Variants in CTNND2 observed in about 807,000 individuals in gnomAD.
The protein encoded by CTNND2 is catenin delta-2.
CTNND2 carries 22 observed loss-of-function variants against 144.4 expected under a neutral mutation model. The ratio of observed to expected loss-of-function variants is 0.15; its 90% CI spans 0.11 to 0.22. The LOEUF (loss-of-function observed/expected upper bound fraction) is 0.22. CTNND2 is among the 10% of genes least tolerant of loss of function. The pLI is 1.00. For missense variants in CTNND2, 1,353 were observed against 1,618.8 expected (o/e 0.84, Z 2.82); for synonymous variants, 751 against 695.6 (o/e 1.08, Z -1.25).
Position 11,758,346 on chromosome 5 carries a change from T to C in CTNND2, c.38-26074A>G, listed in dbSNP as rs912773682. Among the ~76,000 whole-genome samples the C allele has an allele frequency of 3.9e-5, 6 of 152,102 alleles. No individual in the cohort carries two copies. In the South Asian group the frequency reaches 6.2e-4, roughly 16 times the overall value. On this transcript the variant is annotated intron_variant, in intron 1 of 21. Coordinates refer to ENST00000304623, the MANE Select transcript of CTNND2 (RefSeq NM_001332.4). ...CACATTTATAACCATAAATTTTTGTTTGATTAAAAAAAATTTCACTTCTAC... is the reference window on the plus strand; with the variant it reads ...CACATTTATAACCATAAATTTTTGTCTGATTAAAAAAAATTTCACTTCTAC...
intron 12 of CTNND2, among the ~76,000 whole-genome samples, chr5:11,144,890 A>T (rs1199097217): frequency 6.6e-6 from 1 of 152,080 alleles, no homozygotes; most frequent in Non-Finnish European, 1.5e-5. Flanking sequence ...GTCTCCCCTT[A>T]TCGTTCCCAA....
chr5:11,434,687 C>T (rs941765283), intron 3 of CTNND2, among the ~76,000 whole-genome samples: 1 of 152,134 alleles, frequency 6.6e-6, no homozygotes, highest in African/African-American at 2.4e-5. Context: ...TATTAAACTG[C>T]TAATGGTAGA....
chr5:11,643,332 C>A (rs1418628173), intron 2 of CTNND2, among the ~76,000 whole-genome samples: 1 of 149,234 alleles, frequency 6.7e-6, no homozygotes, highest in African/African-American at 2.5e-5. Flanking sequence ...TGTGCTGCAC[C>A]CATTAACTCG....
chr5:11,842,713 G>A (rs116657828), intron 1 of CTNND2, among the ~76,000 whole-genome samples: 24,129 of 138,108 alleles, frequency 0.17, 2,327 homozygotes, highest in Non-Finnish European at 0.22. Context: ...AGACAGACTC[G>A]GTCTCAGAAC....
chr5:11,085,308 T>G (rs1360468269), intron 15 of CTNND2, among the ~76,000 whole-genome samples: 1 of 152,200 alleles, frequency 6.6e-6, no homozygotes, highest in African/African-American at 2.4e-5. Flanking sequence ...TTTGATATTT[T>G]TATTATTGAG....
At chr5:11,509,328 A>T (rs26167) in intron 3 of CTNND2, among the ~76,000 whole-genome samples, 80,004 of 151,976 alleles carry the variant, frequency 0.53, 21,486 homozygotes, top group Middle Eastern at 0.6. Context: ...AGATAGAAGA[A>T]GCTGGAAATT....
chr5:11,800,540 C>T (rs528984031), intron 1 of CTNND2, among the ~76,000 whole-genome samples: 2 of 152,076 alleles, frequency 1.3e-5, no homozygotes, highest in Non-Finnish European at 2.9e-5. Context: ...TAGGTCAGAC[C>T]TTTACTGTGA....
At chr5:11,675,556 T>A (rs2126612386) in intron 2 of CTNND2, among the ~76,000 whole-genome samples, 1 of 152,296 alleles carries the variant, frequency 6.6e-6, no homozygotes, top group Admixed American at 6.5e-5. Context: ...TAACTCTTTT[T>A]AAATTTTTGC....
chr5:11,427,275 C>CA (rs1762862237), intron 3 of CTNND2, among the ~76,000 whole-genome samples: 1 of 120,876 alleles, frequency 8.3e-6, no homozygotes. Flanking sequence ...TTCCCATATG[C>CA]TTTTTTTTTT....
intron 3 of CTNND2, among the ~76,000 whole-genome samples, chr5:11,529,465 G>A (rs1377603882): frequency 6.6e-6 from 1 of 152,168 alleles, no homozygotes; most frequent in African/African-American, 2.4e-5. Flanking sequence ...TACATAATTT[G>A]AGCCATCTTT....
At chr5:11,896,288 G>A (rs1423722769) in intron 1 of CTNND2, among the ~76,000 whole-genome samples, 4 of 152,094 alleles carry the variant, frequency 2.6e-5, no homozygotes, top group East Asian at 3.8e-4. Flanking sequence ...AACAGAATAT[G>A]AGCAATGTTT....
At chr5:11,658,077 A>G (rs1342034749) in intron 2 of CTNND2, among the ~76,000 whole-genome samples, 1 of 152,138 alleles carries the variant, frequency 6.6e-6, no homozygotes, top group East Asian at 1.9e-4. Context: ...ATTAATTGCT[A>G]TATTCATATT....
At chr5:11,601,663 T>C (rs190911452) in intron 2 of CTNND2, among the ~76,000 whole-genome samples, 4 of 152,286 alleles carry the variant, frequency 2.6e-5, no homozygotes, top group Admixed American at 6.5e-5. Flanking sequence ...TGCTGCCTTA[T>C]AGTTTATAAA....
intron 1 of CTNND2, among the ~76,000 whole-genome samples, chr5:11,750,505 G>A (rs1788551143): frequency 6.6e-6 from 1 of 151,854 alleles, no homozygotes. Context: ...ACACTGTCCA[G>A]AGTGCATGAC....
intron 1 of CTNND2, among the ~76,000 whole-genome samples, chr5:11,833,323 A>G (rs1261038717): frequency 6.6e-6 from 1 of 152,168 alleles, no homozygotes; most frequent in African/African-American, 2.4e-5. Flanking sequence ...GTATGATACA[A>G]CATAGTTTAA....
Position 11,798,491 on chromosome 5 carries a change from A to AGGT in CTNND2, c.38-66222_38-66220dup, listed in dbSNP as rs527744777. Among the ~76,000 whole-genome samples, 28 of 152,008 alleles carry AGGT rather than the reference A, an allele frequency of 1.8e-4. No homozygotes were observed. The East Asian group carries it at 2.8e-3, about 15-fold the overall frequency. ...TTCTACAAAAACAGAGGATTTGGCC[A>AGGT]GGTGCAGTGGCTCACGCCTGTAATC... On this transcript the variant is annotated intron_variant, in intron 1 of 21. Transcript: ENST00000304623.
At chr5:11,381,883 C>T (rs765339968) in intron 7 of CTNND2, among the ~76,000 whole-genome samples, 3 of 152,154 alleles carry the variant, frequency 2.0e-5, no homozygotes, top group Non-Finnish European at 2.9e-5. Context: ...AGGAGAATGG[C>T]GTAAACCTGG....
chr5:11,845,682 G>C (rs1405956657), intron 1 of CTNND2, among the ~76,000 whole-genome samples: 1 of 152,198 alleles, frequency 6.6e-6, no homozygotes, highest in African/African-American at 2.4e-5. Flanking sequence ...AATCCACTCA[G>C]TTTGCGATGC....
intron 3 of CTNND2, among the ~76,000 whole-genome samples, chr5:11,526,946 G>T (rs527458675): frequency 1.3e-5 from 2 of 152,248 alleles, no homozygotes; most frequent in Middle Eastern, 3.4e-3. Flanking sequence ...CAATATAGAT[G>T]AATCTTAATG....
Sources: allele counts gnomAD v4.1 joint callset (sites outside exome capture counted in the v4.1 genomes callset), GRCh38; gene constraint gnomAD v4.1.1; transcripts MANE v1.5; gene names NCBI Gene and HGNC (gene_info 2026-07-23, HGNC 2026-07-21).